The following TIMD4 variants were observed in gnomAD, a reference collection of about 807,000 sequenced individuals.
TIMD4 encodes the protein T-cell immunoglobulin and mucin domain-containing protein 4.
Under a neutral mutation model 41.2 loss-of-function variants are expected in TIMD4, and 31 were observed. The observed-to-expected ratio is 0.75, with a 90% CI of 0.57 to 1.01. The LOEUF is 1.01. TIMD4 is among the 50% of genes least tolerant of loss of function. The probability of loss-of-function intolerance (pLI) is 0.00; values close to 1 mark genes in which losing one functional copy is unlikely to be tolerated. For missense variants in TIMD4, 479 were observed against 472.5 expected (o/e 1.01, Z -0.13); for synonymous variants, 204 against 177.1 (o/e 1.15, Z -1.21).
At chr5:156,960,298 G>A (rs1760054961) in intron 1 of TIMD4, among the ~76,000 whole-genome samples, 1 of 151,578 alleles carries the variant, frequency 6.6e-6, no homozygotes, top group South Asian at 2.1e-4. Flanking sequence ...TGATGAAAAG[G>A]CAGATGGTAG....
chr5:156,920,584 C>T (rs879198719), intron 7 of TIMD4, 81 bp from the exon 8 acceptor site: 1 of 1,467,658 alleles, frequency 6.8e-7, no homozygotes, highest in Non-Finnish European at 9.5e-7. Context: ...TCCAGTGCTG[C>T]CCCGCAAAGA....
At chr5:156,959,594 A>G (rs1213023174) in intron 1 of TIMD4, among the ~76,000 whole-genome samples, 1 of 152,180 alleles carries the variant, frequency 6.6e-6, no homozygotes, top group Non-Finnish European at 1.5e-5. Flanking sequence ...GGTTCCTTCC[A>G]TAGCTGGTGA....
At chr5:156,928,142 T>A (rs145357398) in intron 5 of TIMD4, among the ~76,000 whole-genome samples, 53 of 151,784 alleles carry the variant, frequency 3.5e-4, no homozygotes, top group Non-Finnish European at 5.6e-4. Context: ...AAATACAACA[T>A]ACAAAAATTA....
intron 5 of TIMD4, 77 bp downstream of exon 5, chr5:156,948,339 G>T: frequency 7.7e-6 from 6 of 781,126 alleles, no homozygotes; most frequent in Non-Finnish European, 9.9e-6. Context: ...AAAAAAAAAA[G>T]CAAGATTCTG....
intron 1 of TIMD4, among the ~76,000 whole-genome samples, chr5:156,957,019 T>A (rs1759983695): frequency 6.6e-6 from 1 of 150,626 alleles, no homozygotes; most frequent in Non-Finnish European, 1.5e-5. Flanking sequence ...GCTTCTGGGG[T>A]TTTTCACAGT....
intron 5 of TIMD4, among the ~76,000 whole-genome samples, chr5:156,945,916 G>T (rs1345651971): frequency 6.6e-6 from 1 of 152,164 alleles, no homozygotes; most frequent in Non-Finnish European, 1.5e-5. Context: ...GCTTGACACA[G>T]ACCTAGAACA....
chr5:156,962,145 A>G (rs904897536), intron 1 of TIMD4, among the ~76,000 whole-genome samples: 1 of 152,144 alleles, frequency 6.6e-6, no homozygotes, highest in African/African-American at 2.4e-5. Context: ...GAACATGAGG[A>G]AAAAGGGAAA....
At chr5:156,947,413 A>C (rs1393226086) in intron 5 of TIMD4, among the ~76,000 whole-genome samples, 2 of 152,222 alleles carry the variant, frequency 1.3e-5, no homozygotes, top group African/African-American at 4.8e-5. Context: ...TCTTTTAACC[A>C]GCAATTTTTA....
intron 8 of TIMD4, among the ~76,000 whole-genome samples, chr5:156,919,754 T>C (rs535537982): frequency 1.4e-4 from 21 of 152,194 alleles, no homozygotes; most frequent in Non-Finnish European, 2.8e-4. Flanking sequence ...AAAAGATTCT[T>C]AGCAAAATAT....
intron 5 of TIMD4, among the ~76,000 whole-genome samples, chr5:156,937,547 T>C (rs1759562685): frequency 6.6e-6 from 1 of 152,204 alleles, no homozygotes; most frequent in South Asian, 2.1e-4. Context: ...TAGCCATCAA[T>C]GAGGACCTAT....
chr5:156,923,841 G>A (rs1248913881), intron 6 of TIMD4, among the ~76,000 whole-genome samples: 2 of 151,726 alleles, frequency 1.3e-5, no homozygotes, highest in African/African-American at 4.8e-5. Context: ...CAAGACCCAG[G>A]CTGTTATTTT....
At chr5:156,949,044 C>A (rs1482299345) in intron 4 of TIMD4, among the ~76,000 whole-genome samples, 1 of 152,096 alleles carries the variant, frequency 6.6e-6, no homozygotes, top group Non-Finnish European at 1.5e-5. Context: ...GGCAGGGACC[C>A]CCAGCAAAAA....
chr5:156,926,813 G>A (rs1398139853), intron 5 of TIMD4, among the ~76,000 whole-genome samples: 8 of 152,236 alleles, frequency 5.3e-5, no homozygotes, highest in Admixed American at 3.9e-4. Context: ...GAAAAATACA[G>A]TATAAGGGAC....
chr5:156,924,435 C>A, intron 6 of TIMD4: 1 of 478,694 alleles, frequency 2.1e-6, no homozygotes, highest in South Asian at 1.6e-5. Context: ...CCAAAATGCA[C>A]CTGCTGGATT....
In TIMD4 at chr5:156,955,431, C is replaced by T. The variant is rs187443557; in HGVS notation, c.59-675G>A. The stretch of plus-strand genomic sequence containing the variant: ...CAGTACTTTGGGAGGCCGAGGCAGG[C>T]GGATCACAAGGTCAGGAGATCGAGA... On this transcript the variant is annotated intron_variant, in intron 1 of 8. Transcript: ENST00000274532. Among the ~76,000 whole-genome samples the T allele has an allele frequency of 4.2e-3, 646 of 152,208 alleles. 7 individuals carry two copies. The highest frequency in any genetic ancestry group is 0.014 in the African/African-American group (597 of 41,522).
At chr5:156,927,241 T>C (rs1192838116) in intron 5 of TIMD4, among the ~76,000 whole-genome samples, 1 of 152,242 alleles carries the variant, frequency 6.6e-6, no homozygotes, top group Admixed American at 6.5e-5. Flanking sequence ...CCACCTCACA[T>C]ATACTTGGTG....
chr5:156,933,515 A>G (rs1032240454), intron 5 of TIMD4, among the ~76,000 whole-genome samples: 6 of 139,610 alleles, frequency 4.3e-5, no homozygotes, highest in Non-Finnish European at 6.2e-5. Flanking sequence ...TAACAGTGAT[A>G]ATCTCTTTAT....
At chr5:156,948,900 C>T (rs1486912537) in intron 4 of TIMD4, among the ~76,000 whole-genome samples, 2 of 152,202 alleles carry the variant, frequency 1.3e-5, no homozygotes, top group East Asian at 1.9e-4. Context: ...TGTCTGTTTT[C>T]CCTTGCTAGA....
intron 5 of TIMD4, among the ~76,000 whole-genome samples, chr5:156,940,036 C>T (rs1345447084): frequency 1.3e-5 from 2 of 152,272 alleles, no homozygotes; most frequent in Non-Finnish European, 1.5e-5. Context: ...GCCGCGATCT[C>T]GGCTCACTGC....
Sources: allele counts gnomAD v4.1 joint callset (sites outside exome capture counted in the v4.1 genomes callset), GRCh38; gene constraint gnomAD v4.1.1; transcripts MANE v1.5; gene names NCBI Gene and HGNC (gene_info 2026-07-23, HGNC 2026-07-21).